Variants in DCPS observed in about 807,000 individuals in gnomAD.
The protein encoded by DCPS is m7GpppX diphosphatase.
DCPS carries 27 observed loss-of-function variants against 34.7 expected under a neutral mutation model. The ratio of observed to expected loss-of-function variants is 0.78; its 90% CI spans 0.57 to 1.07. DCPS has a LOEUF of 1.07. DCPS is among the 50% of genes least tolerant of loss of function. The pLI is 0.00. For missense variants in DCPS, 464 were observed against 436.9 expected, an observed-to-expected ratio of 1.06 and a Z score of -0.55; for synonymous variants, 185 against 185.7, an observed-to-expected ratio of 1.00 and a Z score of 0.03.
chr11:126,317,104 G>A (rs1218336724), intron 2 of DCPS, among the ~76,000 whole-genome samples: 2 of 151,928 alleles, frequency 1.3e-5, no homozygotes, highest in Admixed American at 6.5e-5. Flanking sequence ...GACTACAGGC[G>A]CGTGCCACCA....
rs1414866907 is a variant in DCPS at position 126,328,470 on chromosome 11, G to C, written c.377-2935G>C. 1.3e-5 allele frequency among the ~76,000 whole-genome samples: 2 copies of C among 152,166 alleles called. No homozygotes were observed. Among genetic ancestry groups the C allele is most frequent in the Non-Finnish European group, 2.9e-5 (2 of 68,010 alleles). ...GAGGATGGCAGGAAGTGAGCAGTTG[G>C]AAAATAAGCACCTGTGGATGCTCTT... On this transcript the variant is annotated intron_variant, in intron 2 of 5. Coordinates refer to ENST00000263579, the MANE Select transcript of DCPS (RefSeq NM_014026.6). This position sits in a 1 kb window ranked among gnomAD's most constrained non-coding sequence, Gnocchi z 6.6.
In DCPS at chr11:126,329,317, A is replaced by G. The variant is rs1221547709; in HGVS notation, c.377-2088A>G. The stretch of plus-strand genomic sequence containing the variant: ...TCCCAGGATTGGGTGACATTTATTT[A>G]GCAACTCGTGATCCAGCTGACACGT... On this transcript the variant is annotated intron_variant, in intron 2 of 5. Coordinates refer to ENST00000263579, the MANE Select transcript of DCPS (RefSeq NM_014026.6). This position sits in a 1 kb window ranked among gnomAD's most constrained non-coding sequence, Gnocchi z 5.0. Among the ~76,000 whole-genome samples the G allele has an allele frequency of 6.6e-6, 1 of 152,216 alleles. No individual in the cohort carries two copies. The highest frequency in any genetic ancestry group is 6.5e-5 in the Admixed American group (1 of 15,282).
At chr11:126,314,993 A>C (rs1565372415) in intron 2 of DCPS, among the ~76,000 whole-genome samples, 1 of 152,216 alleles carries the variant, frequency 6.6e-6, no homozygotes, top group East Asian at 1.9e-4. Flanking sequence ...AAAATAAAAA[A>C]ATTTAAAAAA....
At position 126,312,690 on chromosome 11, in the gene DCPS, G is replaced by A. The variant is rs1197863612; in HGVS notation, c.376+5946G>A. Among the ~76,000 whole-genome samples, 1 of 152,084 alleles carries A rather than the reference G, an allele frequency of 6.6e-6. No homozygotes were observed. Among genetic ancestry groups the A allele is most frequent in the Non-Finnish European group, 1.5e-5 (1 of 68,022 alleles). ...CTTAATCCCCTAAATTGACTTCATG[G>A]CCACTGTCCTGGATTAGGACCCATT... On this transcript the variant is annotated intron_variant, in intron 2 of 5. Transcript: ENST00000263579. This position sits in a 1 kb window ranked among gnomAD's most constrained non-coding sequence, Gnocchi z 5.1.
At position 126,346,180 on chromosome 11, in the gene DCPS, A is replaced by G. The variant is rs1412480321; in HGVS notation, c.*567A>G. Among the ~76,000 whole-genome samples the G allele has an allele frequency of 1.3e-5, 2 of 152,188 alleles. No individual in the cohort carries two copies. The highest frequency in any genetic ancestry group is 2.1e-4 in the South Asian group (1 of 4,832). ...TGATAAACTTCTTGTTGACGAGGAT[A>G]GGGGCTTGGTGCCTGGAAATCGGCG... On this transcript the variant is annotated 3_prime_UTR_variant, in exon 6 of 6. Coordinates refer to ENST00000263579, the MANE Select transcript of DCPS (RefSeq NM_014026.6). The surrounding 1 kb of genome is among the most constrained non-coding windows in gnomAD (Gnocchi z 4.1).
chr11:126,304,665 G>A (rs1951548560), intron 1 of DCPS, among the ~76,000 whole-genome samples: 1 of 152,142 alleles, frequency 6.6e-6, no homozygotes, highest in Non-Finnish European at 1.5e-5. Flanking sequence ...TGAGACTGTA[G>A]GAGATGTGAT....
At position 126,320,538 on chromosome 11, in the gene DCPS, C is replaced by T. The variant is rs931692160; in HGVS notation, c.377-10867C>T. On this transcript the variant is annotated intron_variant, in intron 2 of 5. Coordinates refer to ENST00000263579, the MANE Select transcript of DCPS (RefSeq NM_014026.6). The surrounding 1 kb of genome is among the most constrained non-coding windows in gnomAD (Gnocchi z 4.7). Reference sequence around the variant, plus strand: ...ACTACAAGGGCGGGGTGCAGTGGCTCATGCCCCTAATCCCAACACATTGGG... The same window carrying T: ...ACTACAAGGGCGGGGTGCAGTGGCTTATGCCCCTAATCCCAACACATTGGG... Among the ~76,000 whole-genome samples, 12 of 152,166 alleles carry T rather than the reference C, an allele frequency of 7.9e-5. No homozygotes were observed. Among genetic ancestry groups the T allele is most frequent in the African/African-American group, 2.4e-4 (10 of 41,432 alleles).
At chr11:126,339,917 G>A (rs529123783) in intron 4 of DCPS, among the ~76,000 whole-genome samples, 1 of 152,326 alleles carries the variant, frequency 6.6e-6, no homozygotes, top group Admixed American at 6.5e-5. Context: ...CCGTTAATGA[G>A]AATCCCAGCA....
Position 126,327,407 on chromosome 11 carries a change from G to A in DCPS, c.377-3998G>A, listed in dbSNP as rs970892396. Reference sequence around the variant, plus strand: ...CGTGCCCAGCAGGGGTGACGGTGACGCCCATGGCCTGGCCGAGGTGGTAGC... The same window carrying A: ...CGTGCCCAGCAGGGGTGACGGTGACACCCATGGCCTGGCCGAGGTGGTAGC... On this transcript the variant is annotated intron_variant, in intron 2 of 5. Coordinates refer to ENST00000263579, the MANE Select transcript of DCPS (RefSeq NM_014026.6). This position sits in a 1 kb window ranked among gnomAD's most constrained non-coding sequence, Gnocchi z 4.1. 1.8e-4 allele frequency among the ~76,000 whole-genome samples: 27 copies of A among 152,346 alleles called. No homozygotes were observed. The highest frequency in any genetic ancestry group is 5.8e-4 in the African/African-American group (24 of 41,576).
Position 126,333,731 on chromosome 11 carries a change from G to A in DCPS, c.522+2181G>A, listed in dbSNP as rs565868545. 5.3e-5 allele frequency among the ~76,000 whole-genome samples: 8 copies of A among 152,318 alleles called. No homozygotes were observed. In the South Asian group the frequency reaches 1.2e-3, roughly 24 times the overall value. On this transcript the variant is annotated intron_variant, in intron 3 of 5. Coordinates refer to ENST00000263579, the MANE Select transcript of DCPS (RefSeq NM_014026.6). This position sits in a 1 kb window ranked among gnomAD's most constrained non-coding sequence, Gnocchi z 5.7. ...GGCAGGGGCCAGGCGGAGGCACGTG[G>A]ACTTTGTCCAGGGGGCCAGGAGTTC...
At position 126,343,343 on chromosome 11, in the gene DCPS, C is replaced by T. The variant is rs145441967; in HGVS notation, c.673C>T (p.Arg225Trp). The change falls in exon 5 of 6, where the codon CGG becomes TGG. Residue 225 changes from arginine to tryptophan, a missense_variant. Coordinates refer to ENST00000263579, the MANE Select transcript of DCPS (RefSeq NM_014026.6). ...DLYLIAICHR[R>W]GIRSLRDLTP... ...GTACTTGATCGCCATCTGCCATCGC[C>T]GGGGCATCAGATCCCTACGCGACCT... 3.4e-5 allele frequency: 55 copies of T among 1,613,982 alleles called. No homozygotes were observed. Among genetic ancestry groups the T allele is most frequent in the Non-Finnish European group, 4.2e-5 (49 of 1,179,950 alleles).
rs139394858 is a variant in DCPS at position 126,334,316 on chromosome 11, G to A, written c.522+2766G>A. ...CAAGAACTGCTCTAAGCATTTATGC[G>A]CATCACACCTCATTTATTTATTTAT... On this transcript the variant is annotated intron_variant, in intron 3 of 5. Transcript: ENST00000263579. The surrounding 1 kb of genome is among the most constrained non-coding windows in gnomAD (Gnocchi z 5.5). Among the ~76,000 whole-genome samples, 82 of 152,192 alleles carry A rather than the reference G, an allele frequency of 5.4e-4. No individual in the cohort carries two copies. The East Asian group carries it at 0.014, about 26-fold the overall frequency.
chr11:126,307,808 A>G (rs1407590413), intron 2 of DCPS, among the ~76,000 whole-genome samples: 1 of 152,254 alleles, frequency 6.6e-6, no homozygotes, highest in African/African-American at 2.4e-5. Flanking sequence ...TTAATCCTCA[A>G]AACAGCCCTC....
At chr11:126,339,033 C>A (rs1335405777) in intron 4 of DCPS, among the ~76,000 whole-genome samples, 1 of 152,230 alleles carries the variant, frequency 6.6e-6, no homozygotes, top group East Asian at 1.9e-4. Flanking sequence ...AGCCCACCAC[C>A]AGAGTTATCA....
At position 126,322,088 on chromosome 11, in the gene DCPS, AT is replaced by A. The variant is rs1259614876; in HGVS notation, c.377-9312del. Among the ~76,000 whole-genome samples the A allele has an allele frequency of 6.6e-6, 1 of 152,176 alleles. No individual in the cohort carries two copies. Among genetic ancestry groups the A allele is most frequent in the Admixed American group, 6.5e-5 (1 of 15,284 alleles). On this transcript the variant is annotated intron_variant, in intron 2 of 5. Transcript: ENST00000263579. This position sits in a 1 kb window ranked among gnomAD's most constrained non-coding sequence, Gnocchi z 4.2. Reference sequence around the variant, plus strand: ...CAGTTTCCCAGGTCTGAAGAACATGATTTTTAAGATTGAAAGGGCTCAGCAA... The same window carrying A: ...CAGTTTCCCAGGTCTGAAGAACATGATTTTAAGATTGAAAGGGCTCAGCAA...
rs923578420 is a variant in DCPS at position 126,323,815 on chromosome 11, C to T, written c.377-7590C>T. Among the ~76,000 whole-genome samples the T allele has an allele frequency of 1.3e-5, 2 of 152,026 alleles. No individual in the cohort carries two copies. Among genetic ancestry groups the T allele is most frequent in the African/African-American group, 4.8e-5 (2 of 41,382 alleles). On this transcript the variant is annotated intron_variant, in intron 2 of 5. Transcript: ENST00000263579. This position sits in a 1 kb window ranked among gnomAD's most constrained non-coding sequence, Gnocchi z 4.4. ...AGGATTATAGGCATGAGCCACCAAA[C>T]CTGACCCTAAAGTTGTTTTTTTGTT... is the stretch of plus-strand genomic sequence containing the variant.
Position 126,343,443 on chromosome 11 carries a change from G to A in DCPS, c.747+26G>A, listed in dbSNP as rs768293961. 3.8e-6 allele frequency: 6 copies of A among 1,562,036 alleles called. No homozygotes were observed. In the Admixed American group the frequency reaches 1.0e-4, roughly 27 times the overall value. On this transcript the variant is annotated intron_variant, in intron 5 of 5. Transcript: ENST00000263579. Reference sequence around the variant, plus strand: ...GTGAGTGGCTTCACCAAACCACGTGGAAGCTCAGAGAAATTAGACTCAGAT... The same window carrying A: ...GTGAGTGGCTTCACCAAACCACGTGAAAGCTCAGAGAAATTAGACTCAGAT...
chr11:126,306,017 A>G (rs541684344), intron 1 of DCPS, among the ~76,000 whole-genome samples: 1 of 152,314 alleles, frequency 6.6e-6, no homozygotes, highest in Non-Finnish European at 1.5e-5. Context: ...ATGGAAGACA[A>G]CTGAGAAGCC....
In DCPS at chr11:126,319,648, G is replaced by A. The variant is rs146558837; in HGVS notation, c.377-11757G>A. 4.0e-3 allele frequency among the ~76,000 whole-genome samples: 609 copies of A among 152,258 alleles called. 8 individuals are homozygous for A. Among genetic ancestry groups the A allele is most frequent in the Admixed American group, 6.9e-3 (105 of 15,284 alleles). On this transcript the variant is annotated intron_variant, in intron 2 of 5. Transcript: ENST00000263579. The surrounding 1 kb of genome is among the most constrained non-coding windows in gnomAD (Gnocchi z 4.5). ...CCTCATTTTGCCCTCTGGTTTCGCT[G>A]ACAGCTGTTTACGTGTCTCTAGGAA...
Sources: gnomAD v4.1 joint callset for allele counts (sites outside exome capture counted in the v4.1 genomes callset) on GRCh38, gnomAD v4.1.1 for gene constraint, Gnocchi (gnomAD v3.1) non-coding constraint, MANE v1.5 for transcripts, NCBI Gene and HGNC (gene_info 2026-07-23, HGNC 2026-07-21) for gene names.